The following AFG2B variants were observed in gnomAD, a reference collection of about 807,000 sequenced individuals.
AFG2B encodes the protein AAA ATPase AFG2B.
At chr15:45,406,939 G>A in the AFG2B span, 1 of 1,068,830 alleles carries the variant, frequency 9.4e-7, no homozygotes, top group Non-Finnish European at 1.3e-6. Context: ...TGTGTGTAAA[G>A]ATGTGAGAAT....
the AFG2B span, among the ~76,000 whole-genome samples, chr15:45,419,986 T>TACCCCCCC: frequency 2.0e-5 from 1 of 49,242 alleles, no homozygotes; most frequent in South Asian, 8.1e-4. Context: ...CAAGACTCTG[T>TACCCCCCC]CCCCCCCCCC....
the AFG2B span, chr15:45,405,235 C>G: frequency 7.5e-7 from 1 of 1,328,338 alleles, no homozygotes; most frequent in Non-Finnish European, 1.0e-6. Flanking sequence ...CTGCTGTCTA[C>G]CTCCATCCAT....
chr15:45,416,759 G>C, the AFG2B span: 3 of 152,866 alleles, frequency 2.0e-5, no homozygotes, highest in Non-Finnish European at 4.4e-5. Flanking sequence ...GCCTTTCTCT[G>C]TCTGCTTTTA....
At chr15:45,409,166 A>G in the AFG2B span, among the ~76,000 whole-genome samples, 1 of 152,114 alleles carries the variant, frequency 6.6e-6, no homozygotes, top group Non-Finnish European at 1.5e-5. Context: ...AGTTGAGGTC[A>G]GGAGTTCAAG....
the AFG2B span, chr15:45,406,955 T>C: frequency 8.5e-7 from 1 of 1,171,688 alleles, no homozygotes; most frequent in Non-Finnish European, 1.1e-6. Flanking sequence ...AGAATAGATG[T>C]CTTTTGAGGG....
At chr15:45,419,142 G>A in the AFG2B span, among the ~76,000 whole-genome samples, 64 of 152,220 alleles carry the variant, frequency 4.2e-4, no homozygotes, top group African/African-American at 1.4e-3. Context: ...GTGGAGAATG[G>A]CAAGAAATAA....
the AFG2B span, chr15:45,402,541 G>A: frequency 3.8e-6 from 6 of 1,593,712 alleles, no homozygotes; most frequent in Non-Finnish European, 5.1e-6. Flanking sequence ...CGCCCTCCAC[G>A]CCCTGGGCGC....
chr15:45,419,216 G>A, the AFG2B span, among the ~76,000 whole-genome samples: 1 of 152,122 alleles, frequency 6.6e-6, no homozygotes, highest in Non-Finnish European at 1.5e-5. Context: ...GGGAGGCCAA[G>A]GCGAGAGGAT....
At chr15:45,402,701 G>T in the AFG2B span, 1 of 1,570,076 alleles carries the variant, frequency 6.4e-7, no homozygotes. Flanking sequence ...TCGAGATCCC[G>T]GAGGAGTCTC....
At chr15:45,402,977 G>T in the AFG2B span, 2 of 1,594,428 alleles carry the variant, frequency 1.3e-6, no homozygotes. Flanking sequence ...CCTCGTACCC[G>T]CGTCAGCCTT....
the AFG2B span, chr15:45,421,091 A>C: frequency 6.2e-7 from 1 of 1,613,644 alleles, no homozygotes; most frequent in Non-Finnish European, 8.5e-7. Flanking sequence ...AACTACAGTG[A>C]AACAAGAGCA....
chr15:45,412,217 A>G, the AFG2B span, among the ~76,000 whole-genome samples: 1 of 151,426 alleles, frequency 6.6e-6, no homozygotes, highest in African/African-American at 2.4e-5. Context: ...CCTGGCCAAC[A>G]TGGTGAAACC....
the AFG2B span, among the ~76,000 whole-genome samples, chr15:45,408,808 C>T: frequency 6.6e-6 from 1 of 152,070 alleles, no homozygotes; most frequent in Non-Finnish European, 1.5e-5. Flanking sequence ...TCACTTGAGC[C>T]CAGGTGTTCG....
At chr15:45,415,862 C>A in the AFG2B span, 1 of 1,285,490 alleles carries the variant, frequency 7.8e-7, no homozygotes, top group Non-Finnish European at 1.1e-6. Flanking sequence ...AAATATAATG[C>A]ATATATGCTA....
the AFG2B span, chr15:45,402,420 T>A: frequency 1.3e-6 from 2 of 1,595,098 alleles, no homozygotes; most frequent in Non-Finnish European, 1.7e-6. Context: ...GCCTGGTTCA[T>A]CTGTGTGCGA....
At chr15:45,404,884 T>C in the AFG2B span, among the ~76,000 whole-genome samples, 1 of 152,142 alleles carries the variant, frequency 6.6e-6, no homozygotes, top group Non-Finnish European at 1.5e-5. Flanking sequence ...GAAGTAATTC[T>C]TTTTTAATTG....
chr15:45,403,565 G>A, the AFG2B span: 5 of 1,578,664 alleles, frequency 3.2e-6, no homozygotes, highest in Non-Finnish European at 8.5e-7. Context: ...AACCTCGGCC[G>A]CTTCTGGCGC....
chr15:45,405,314 A>G, the AFG2B span: 3 of 1,613,726 alleles, frequency 1.9e-6, no homozygotes, highest in African/African-American at 1.3e-5. Context: ...TTTGCTTTGC[A>G]TATAGGTGGT....
At chr15:45,402,540 C>T in the AFG2B span, 1 of 1,593,856 alleles carries the variant, frequency 6.3e-7, no homozygotes, top group Admixed American at 1.8e-5. Context: ...CCGCCCTCCA[C>T]GCCCTGGGCG....
Sources: gnomAD v4.1 joint callset for allele counts (sites outside exome capture counted in the v4.1 genomes callset) on GRCh38, gnomAD v4.1.1 for gene constraint, MANE v1.5 for transcripts, NCBI Gene and HGNC (gene_info 2026-07-23, HGNC 2026-07-21) for gene names.